Variants in HIPK4 observed in about 807,000 individuals in gnomAD.
HIPK4 encodes the protein homeodomain-interacting protein kinase 4.
Under a neutral mutation model 44.8 loss-of-function variants are expected in HIPK4, and 26 were observed. The ratio of observed to expected loss-of-function variants is 0.58; its 90% confidence interval spans 0.43 to 0.80. HIPK4 has a LOEUF of 0.80. Ranked by LOEUF, HIPK4 falls within the 30% of genes least tolerant of loss-of-function variation. The pLI is 0.00. For synonymous variants in HIPK4, 340 were observed against 355.5 expected, an observed-to-expected ratio of 0.96 and a Z score of 0.49; for missense variants, 729 against 862.6, an observed-to-expected ratio of 0.85 and a Z score of 1.94.
intron 1 of HIPK4, 152 bp from the exon 2 acceptor site, chr19:40,384,291 GTTTT>G (rs2079352716): frequency 1.5e-6 from 1 of 651,326 alleles, no homozygotes; most frequent in Non-Finnish European, 2.6e-6. Context: ...TGCTTTGTTG[GTTTT>G]TGTTTGTTTG....
intron 1 of HIPK4, among the ~76,000 whole-genome samples, chr19:40,387,222 T>C (rs1345406047): frequency 6.6e-6 from 1 of 151,758 alleles, no homozygotes; most frequent in African/African-American, 2.4e-5. Flanking sequence ...TCTCTCAGTG[T>C]CTCTCTCTCT....
At chr19:40,388,030 T>TTC (rs1555799661) in intron 1 of HIPK4, among the ~76,000 whole-genome samples, 10 of 138,340 alleles carry the variant, frequency 7.2e-5, no homozygotes, top group African/African-American at 2.4e-4. Context: ...TTTTTTTTTT[T>TTC]CTGAGACAGA....
chr19:40,388,367 T>C (rs148851428), intron 1 of HIPK4, among the ~76,000 whole-genome samples: 37 of 152,290 alleles, frequency 2.4e-4, no homozygotes, highest in African/African-American at 8.7e-4. Context: ...TGGTTATTAA[T>C]TGCTATTCTG....
intron 2 of HIPK4, 112 bp downstream of exon 2, chr19:40,383,671 C>G (rs186210468): frequency 3.6e-6 from 3 of 833,372 alleles, no homozygotes; most frequent in Non-Finnish European, 5.8e-6. Flanking sequence ...ATCCTCCCAC[C>G]ACAGCCTCCC....
chr19:40,380,953 G>A lies in HIPK4; in HGVS notation c.1038C>T (p.Phe346=), dbSNP rs1029674069. 1.2e-5 allele frequency: 19 copies of A among 1,611,838 alleles called. No individual in the cohort carries two copies. The highest frequency in any genetic ancestry group is 1.7e-5 in the Admixed American group (1 of 59,984). The stretch of plus-strand genomic sequence containing the variant: ...CACTGCGCAGCTGCTGCATGGACAC[G>A]AAGGGGTGGCGCAGGGCAGCACTGG... ...ISPSAALRHP[F]VSMQQLRSAH... Residue 346 remains phenylalanine (F), a synonymous_variant, in exon 3 of 4, where the codon TTC becomes TTT. Transcript: ENST00000291823. The surrounding 1 kb of genome is among the most constrained non-coding windows in gnomAD (Gnocchi z 4.2).
intron 1 of HIPK4, among the ~76,000 whole-genome samples, chr19:40,384,619 T>G (rs1389842513): frequency 4.7e-5 from 7 of 150,440 alleles, no homozygotes; most frequent in Non-Finnish European, 1.0e-4. Context: ...TTGGTTTTTT[T>G]TTTTTTTTTT....
Position 40,380,481 on chromosome 19 carries a change from G to A in HIPK4, c.1510C>T (p.Leu504Phe), listed in dbSNP as rs138395908. 3 of 1,613,360 alleles carry A rather than the reference G, an allele frequency of 1.9e-6. No individual in the cohort carries two copies. The highest frequency in any genetic ancestry group is 4.5e-5 in the East Asian group (2 of 44,890). Residue 504 changes from leucine to phenylalanine, a missense_variant, in exon 3 of 4, where the codon CTC (leucine) becomes TTC (phenylalanine). Transcript: ENST00000291823. The surrounding 1 kb of genome is among the most constrained non-coding windows in gnomAD (Gnocchi z 4.2). The part of the protein sequence containing the change: ...GSKSDSNFSN[L>F]IRLSQVSPED... The stretch of plus-strand genomic sequence containing the variant: ...GGCGAGACCTGGCTCAGCCGAATGA[G>A]GTTGCTGAAGTTGGAGTCGGACTTG...
In HIPK4 at chr19:40,380,926, G is replaced by T; in HGVS notation, c.1065C>A (p.Ala355=). 1 of 1,605,760 alleles carries T rather than the reference G, an allele frequency of 6.2e-7. No individual in the cohort carries two copies. ...GCTGGTAGTAGTGGGTGGTCTCGTG[G>T]GCACTGCGCAGCTGCTGCATGGACA... ...PFVSMQQLRS[A]HETTHYYQLS... The change falls in exon 3 of 4, where the codon GCC becomes GCA. Residue 355 remains alanine, a synonymous_variant. Coordinates refer to ENST00000291823, the MANE Select transcript of HIPK4 (RefSeq NM_144685.5). This position sits in a 1 kb window ranked among gnomAD's most constrained non-coding sequence, Gnocchi z 4.2.
intron 1 of HIPK4, among the ~76,000 whole-genome samples, chr19:40,386,915 C>T (rs775918464): frequency 9.9e-5 from 15 of 151,820 alleles, no homozygotes; most frequent in Non-Finnish European, 2.2e-4. Flanking sequence ...AATGCAGTGG[C>T]GCAATCTCGG....
Position 40,380,808 on chromosome 19 carries a change from G to A in HIPK4, c.1183C>T (p.Leu395=), listed in dbSNP as rs540690324. 2 of 1,614,050 alleles carry A rather than the reference G, an allele frequency of 1.2e-6. No homozygotes were observed. The highest frequency in any genetic ancestry group is 2.2e-5 in the East Asian group (1 of 44,872). The change falls in exon 3 of 4, where the codon CTG becomes TTG. Residue 395 remains leucine (L), a synonymous_variant. Coordinates refer to ENST00000291823, the MANE Select transcript of HIPK4 (RefSeq NM_144685.5). This position sits in a 1 kb window ranked among gnomAD's most constrained non-coding sequence, Gnocchi z 4.2. ...CCCGCAGCCTCCTTCTCCTCAGCCA[G>A]ACAGTAGTAGGGGGTCCCATCTTCT... ...AAEDGTPYYC[L]AEEKEAAGMG...
Position 40,382,664 on chromosome 19 carries a change from T to G in HIPK4, c.822+1119A>C, listed in dbSNP as rs541026886. Reference sequence around the variant, plus strand: ...TCCCACATTTGATCTCATGCAGCTCTTTCTTGCTGTGAAAATGCCCTAGGC... The same window carrying G: ...TCCCACATTTGATCTCATGCAGCTCGTTCTTGCTGTGAAAATGCCCTAGGC... On this transcript the variant is annotated intron_variant, in intron 2 of 3. Coordinates refer to ENST00000291823, the MANE Select transcript of HIPK4 (RefSeq NM_144685.5). 1.5e-4 allele frequency among the ~76,000 whole-genome samples: 23 copies of G among 152,304 alleles called. No individual in the cohort carries two copies. In the South Asian group the frequency reaches 4.3e-3, roughly 29 times the overall value.
chr19:40,384,252 G>C (rs777907963), intron 1 of HIPK4, 113 bp from the exon 2 acceptor site: 8 of 761,892 alleles, frequency 1.1e-5, no homozygotes, highest in Non-Finnish European at 1.7e-5. Context: ...ATTTGACTCT[G>C]GCCATCTCTG....
chr19:40,385,593 C>T (rs1199063129), intron 1 of HIPK4, among the ~76,000 whole-genome samples: 1 of 151,810 alleles, frequency 6.6e-6, no homozygotes, highest in Non-Finnish European at 1.5e-5. Context: ...TCAGTGAGAC[C>T]TTCCCTAATC....
chr19:40,388,284 C>CT (rs1274719496), intron 1 of HIPK4, among the ~76,000 whole-genome samples: 1 of 152,318 alleles, frequency 6.6e-6, no homozygotes, highest in Admixed American at 6.5e-5. Flanking sequence ...TCCCAAAGTG[C>CT]TGGGATTACA....
chr19:40,388,899 A>T (rs1048720547), intron 1 of HIPK4, among the ~76,000 whole-genome samples: 6 of 152,032 alleles, frequency 3.9e-5, no homozygotes, highest in African/African-American at 1.4e-4. Context: ...AAACACAAAA[A>T]TTGGCTGGGC....
intron 2 of HIPK4, among the ~76,000 whole-genome samples, chr19:40,383,152 G>A (rs1473252182): frequency 2.1e-5 from 3 of 140,164 alleles, no homozygotes; most frequent in Non-Finnish European, 4.6e-5. Flanking sequence ...GTGGGATCTC[G>A]GCTCACTGCA....
chr19:40,384,933 C>T (rs73046355), intron 1 of HIPK4, among the ~76,000 whole-genome samples: 5,604 of 152,162 alleles, frequency 0.037, 133 homozygotes, highest in South Asian at 0.083. Context: ...TGTTAAGTCC[C>T]TATCTCTGTC....
Position 40,379,631 on chromosome 19 carries a change from G to T in HIPK4, c.1807C>A (p.Arg603=), listed in dbSNP as rs751560528. 1.3e-6 allele frequency: 2 copies of T among 1,553,820 alleles called. No homozygotes were observed. The highest frequency in any genetic ancestry group is 1.2e-5 in the South Asian group (1 of 84,070). ...TGCTGGAGGAAGCTGGTGGCCCCCC[G>T]GGGTGGACCATGCTGGTGGGAGCGG... is the stretch of plus-strand genomic sequence containing the variant. ...PRRSHQHGPP[R]GATSFLQHVT... Residue 603 remains arginine (R), a synonymous_variant, in exon 4 of 4, where the codon CGG becomes AGG. Transcript: ENST00000291823.
chr19:40,389,586 G>A lies in HIPK4; in HGVS notation c.317C>T (p.Ala106Val), dbSNP rs79236726. The change falls in exon 1 of 4, where the codon GCG becomes GTG. Residue 106 changes from alanine to valine, a missense_variant. Ala to Val is a moderately conservative substitution (Grantham distance 64). Around this residue, in one of 2 missense-constraint regions of HIPK4, gnomAD observed 196 missense variants for 295.1 expected, o/e 0.66. Coordinates refer to ENST00000291823, the MANE Select transcript of HIPK4 (RefSeq NM_144685.5). The surrounding 1 kb of genome is among the most constrained non-coding windows in gnomAD (Gnocchi z 4.6). The part of the protein sequence containing the change: ...LFEFQKENNF[A>V]PLPARHIRTV... Reference sequence around the variant, plus strand: ...ACGGATGTGGCGGGCGGGGAGGGGCGCGAAGTTGTTCTCCTTCTGGAACTC... The same window carrying A: ...ACGGATGTGGCGGGCGGGGAGGGGCACGAAGTTGTTCTCCTTCTGGAACTC... 1.3e-3 allele frequency: 2,153 copies of A among 1,614,018 alleles called. 31 individuals are homozygous for A. The African/African-American group carries it at 0.025, about 19-fold the overall frequency.
Sources: gnomAD v4.1 joint callset for allele counts (sites outside exome capture counted in the v4.1 genomes callset) on GRCh38, gnomAD v4.1.1 for gene constraint, gnomAD v4.1.1 regional missense constraint, Gnocchi (gnomAD v3.1) non-coding constraint, MANE v1.5 for transcripts, NCBI Gene and HGNC (gene_info 2026-07-23, HGNC 2026-07-21) for gene names.